The following CEP192 variants were observed in gnomAD, a reference collection of about 807,000 sequenced individuals.
CEP192 encodes the protein centrosomal protein 192.
CEP192 carries 151 observed loss-of-function variants against 271.8 expected under a neutral mutation model. The observed-to-expected ratio is 0.56, with a 90% CI of 0.49 to 0.64. The LOEUF is 0.64. CEP192 is among the 30% of genes least tolerant of loss of function. The pLI is 0.00. For missense variants in CEP192, 2,910 were observed against 3,020.5 expected (o/e 0.96, Z 0.86); for synonymous variants, 995 against 1,076.5 (o/e 0.92, Z 1.48).
intron 41 of CEP192, 69 bp downstream of exon 41, chr18:13,113,774 A>G: frequency 7.0e-7 from 1 of 1,426,150 alleles, no homozygotes; most frequent in Non-Finnish European, 9.5e-7. Flanking sequence ...AATTAATAAG[A>G]AAAGTTGGCC....
At chr18:13,062,834 T>C (rs113952569) in intron 21 of CEP192, among the ~76,000 whole-genome samples, 11 of 152,338 alleles carry the variant, frequency 7.2e-5, no homozygotes, top group African/African-American at 2.6e-4. Flanking sequence ...ATTCATTCTT[T>C]CTATTTGTTT....
chr18:13,056,561 G>C lies in CEP192; in HGVS notation c.3971G>C (p.Gly1324Ala), dbSNP rs138351370. Reference sequence around the variant, plus strand: ...TCAAATATCGGCTCTGGATGGATGGGTACCTCTTCCCTCTGTAACCCATAT... The same window carrying C: ...TCAAATATCGGCTCTGGATGGATGGCTACCTCTTCCCTCTGTAACCCATAT... ...LGSNIGSGWMGTSSLCNPYSN... is the reference protein window; with the variant it reads ...LGSNIGSGWMATSSLCNPYSN... Residue 1324 changes from glycine (G) to alanine (A), a missense_variant, in exon 19 of 45, where the codon GGT (glycine) becomes GCT (alanine). Transcript: ENST00000506447. The C allele has an allele frequency of 2.0e-5, 33 of 1,614,164 alleles. No homozygotes were observed. In the African/African-American group the frequency reaches 2.8e-4, roughly 14 times the overall value.
intron 3 of CEP192, among the ~76,000 whole-genome samples, chr18:13,006,388 A>C (rs563934953): frequency 9.2e-5 from 14 of 152,206 alleles, no homozygotes; most frequent in Non-Finnish European, 2.1e-4. Flanking sequence ...GTGGATGGAA[A>C]ATACAGTATT....
chr18:13,105,092 A>T lies in CEP192; in HGVS notation c.7047+13A>T, dbSNP rs1568426338. On this transcript the variant is annotated intron_variant, in intron 40 of 44. Coordinates refer to ENST00000506447, the MANE Select transcript of CEP192 (RefSeq NM_032142.4). ...TGGGATCCAAAAAGTAGGTTTTGAT[A>T]TTTTTTTCCATAGGAACATCATGTA... 2 of 1,569,376 alleles carry T rather than the reference A, an allele frequency of 1.3e-6. No individual in the cohort carries two copies. The highest frequency in any genetic ancestry group is 1.8e-6 in the Non-Finnish European group (2 of 1,139,342).
At chr18:13,051,893 C>T (rs568181589) in intron 17 of CEP192, among the ~76,000 whole-genome samples, 219 of 152,330 alleles carry the variant, frequency 1.4e-3, no homozygotes, top group Admixed American at 2.2e-3. Context: ...TTTCTGTGTA[C>T]GTCCATTGCC....
intron 40 of CEP192, among the ~76,000 whole-genome samples, chr18:13,105,400 CGGTATTTGT>C (rs1465577201): frequency 2.0e-5 from 3 of 152,184 alleles, no homozygotes; most frequent in African/African-American, 7.2e-5. Flanking sequence ...AAAAACAGCT[CGGTATTTGT>C]GGCATAGTCA....
In CEP192 at chr18:13,101,652, A is replaced by G. The variant is rs185001674; in HGVS notation, c.6871+1140A>G. Among the ~76,000 whole-genome samples, 34 of 152,004 alleles carry G rather than the reference A, an allele frequency of 2.2e-4. No homozygotes were observed. The East Asian group carries it at 6.2e-3, about 28-fold the overall frequency. ...CCTTGCCTCTCCATTGATTTTGTCT[A>G]TCCCCAGCCTCAGCCTCCTGCTTCC... is the stretch of plus-strand genomic sequence containing the variant. On this transcript the variant is annotated intron_variant, in intron 38 of 44. Coordinates refer to ENST00000506447, the MANE Select transcript of CEP192 (RefSeq NM_032142.4).
chr18:13,092,998 C>T (rs899401932), intron 34 of CEP192, among the ~76,000 whole-genome samples: 1 of 148,138 alleles, frequency 6.8e-6, no homozygotes, highest in African/African-American at 2.5e-5. Flanking sequence ...ACTAAAAATA[C>T]AAAAAAAAAA....
At chr18:13,066,909 T>C (rs1369676223) in intron 21 of CEP192, among the ~76,000 whole-genome samples, 6 of 152,062 alleles carry the variant, frequency 3.9e-5, no homozygotes, top group Admixed American at 3.9e-4. Flanking sequence ...CTGGTCTGCC[T>C]TTGATCTCTA....
chr18:13,049,947 G>GT, intron 17 of CEP192, 56 bp downstream of exon 17: 3 of 1,396,834 alleles, frequency 2.1e-6, no homozygotes, highest in South Asian at 1.3e-5. Context: ...TATAGGAACT[G>GT]GGAAAAAAAT....
rs1310269124 is a variant in CEP192, at chr18:13,019,062, AT to A, written c.926-15del. ...TCAGATTTGATGTGGCTCCTTTAAC[AT>A]TTTTCTTTATTTTTTCAGGTAATTC... On this transcript the variant is annotated intron_variant, in intron 8 of 44. Transcript: ENST00000506447. The A allele has an allele frequency of 6.6e-7, 1 of 1,519,842 alleles. No homozygotes were observed. Among genetic ancestry groups the A allele is most frequent in the Non-Finnish European group, 8.8e-7 (1 of 1,134,632 alleles). The allele number at this position is 1,519,842 out of a possible 1,614,324, so 94.1% of individuals were successfully genotyped here.
At chr18:13,066,963 C>CTGTGTGTG (rs56795701) in intron 21 of CEP192, among the ~76,000 whole-genome samples, 8,773 of 143,442 alleles carry the variant, frequency 0.061, 303 homozygotes, top group South Asian at 0.12. Context: ...GTGAGCACGT[C>CTGTGTGTG]TGTGTGTGTG....
chr18:13,088,694 T>C (rs1214659015), intron 32 of CEP192: 2 of 243,548 alleles, frequency 8.2e-6, no homozygotes. Context: ...CCCTTTGTGC[T>C]TGACTGTTTT....
chr18:13,091,859 C>T (rs2039162644), intron 33 of CEP192, among the ~76,000 whole-genome samples: 1 of 152,064 alleles, frequency 6.6e-6, no homozygotes, highest in Non-Finnish European at 1.5e-5. Context: ...ATGAGACTGC[C>T]ACTTAAAAAT....
At chr18:13,104,508 A>T (rs2039862781) in intron 39 of CEP192, among the ~76,000 whole-genome samples, 1 of 152,182 alleles carries the variant, frequency 6.6e-6, no homozygotes, top group South Asian at 2.1e-4. Flanking sequence ...ACTACTTGGG[A>T]GGCTGAGGTG....
At chr18:13,119,247 A>C (rs1331411540) in intron 44 of CEP192, among the ~76,000 whole-genome samples, 1 of 152,160 alleles carries the variant, frequency 6.6e-6, no homozygotes, top group African/African-American at 2.4e-5. Flanking sequence ...TTATTATCTA[A>C]ACTCAAATTT....
At chr18:13,059,348 C>G (rs1220360279) in intron 21 of CEP192, 36 bp downstream of exon 21, 2 of 1,536,466 alleles carry the variant, frequency 1.3e-6, no homozygotes, top group Non-Finnish European at 1.8e-6. Flanking sequence ...TCATACCTGG[C>G]ATTTTAAAGA....
Position 13,124,746 on chromosome 18 carries a change from T to G in CEP192, c.7590T>G (p.Ile2530Met). ...GCAAGAGTATTGCTATTCGACTAAT[T>G]GGTGAAGCTCTTGGAAAAAATTAAC... is the stretch of plus-strand genomic sequence containing the variant. The part of the protein sequence containing the change: ...DEGKSIAIRL[I>M]GEALGKN The change falls in exon 45 of 45, where the codon ATT becomes ATG. Residue 2530 changes from isoleucine to methionine, a missense_variant. Coordinates refer to ENST00000506447, the MANE Select transcript of CEP192 (RefSeq NM_032142.4). The G allele has an allele frequency of 1.9e-6, 3 of 1,609,862 alleles. No individual in the cohort carries two copies. Among genetic ancestry groups the G allele is most frequent in the Non-Finnish European group, 2.5e-6 (3 of 1,176,708 alleles).
chr18:13,040,838 T>C lies in CEP192; in HGVS notation c.1818T>C (p.Phe606=). The C allele has an allele frequency of 6.3e-7, 1 of 1,583,154 alleles. No individual in the cohort carries two copies. Among genetic ancestry groups the C allele is most frequent in the Non-Finnish European group, 8.6e-7 (1 of 1,164,056 alleles). The change falls in exon 14 of 45, where the codon TTT becomes TTC. Residue 606 remains phenylalanine, a synonymous_variant. Coordinates refer to ENST00000506447, the MANE Select transcript of CEP192 (RefSeq NM_032142.4). ...GGGNNVKRPS[F]GYFIRSPEKR... is the part of the protein sequence containing the mutation. ...CTTTAATTATTTTGTAGCCATCATT[T>C]GGCTATTTTATTAGATCACCAGAGA...
Sources: allele counts gnomAD v4.1 joint callset (sites outside exome capture counted in the v4.1 genomes callset), GRCh38; gene constraint gnomAD v4.1.1; transcripts MANE v1.5; gene names NCBI Gene and HGNC (gene_info 2026-07-23, HGNC 2026-07-21).